The following KCND2 variants were observed in gnomAD, a reference collection of about 807,000 sequenced individuals.
KCND2 encodes the protein A-type voltage-gated potassium channel KCND2.
KCND2 carries 16 observed loss-of-function variants against 54.4 expected under a neutral mutation model. That is an observed-to-expected ratio of 0.29 (90% CI 0.20 to 0.45). The LOEUF is 0.45. Among genes scored for constraint, KCND2 ranks in the 20% least tolerant of loss-of-function variants. The pLI, the probability that KCND2 is intolerant of heterozygous loss-of-function variation, is 1.00. For missense variants in KCND2, 486 were observed against 824.2 expected, an observed-to-expected ratio of 0.59 and a Z score of 5.02; for synonymous variants, 317 against 310.7, an observed-to-expected ratio of 1.02 and a Z score of -0.21.
intron 1 of KCND2, among the ~76,000 whole-genome samples, chr7:120,488,386 G>C (rs933587240): frequency 5.9e-5 from 9 of 152,090 alleles, no homozygotes; most frequent in African/African-American, 2.2e-4. Flanking sequence ...ATGTGCTATA[G>C]ATTTGTTTTG....
At chr7:120,554,818 A>C (rs907144500) in intron 1 of KCND2, among the ~76,000 whole-genome samples, 2 of 152,202 alleles carry the variant, frequency 1.3e-5, no homozygotes, top group African/African-American at 4.8e-5. Context: ...CTATGGACTT[A>C]GCCATAGAAT....
At chr7:120,540,027 T>G (rs541012448) in intron 1 of KCND2, among the ~76,000 whole-genome samples, 25 of 151,934 alleles carry the variant, frequency 1.6e-4, no homozygotes, top group African/African-American at 5.6e-4. Context: ...TTGAAGAAAA[T>G]TTTCTTCAAC....
At chr7:120,409,592 A>T (rs909509727) in intron 1 of KCND2, among the ~76,000 whole-genome samples, 5 of 151,916 alleles carry the variant, frequency 3.3e-5, no homozygotes, top group Non-Finnish European at 7.4e-5. Context: ...AGTCTAAAGG[A>T]CGTGTAGTGA....
intron 1 of KCND2, among the ~76,000 whole-genome samples, chr7:120,716,793 A>C (rs559907793): frequency 6.6e-6 from 1 of 152,184 alleles, no homozygotes; most frequent in South Asian, 2.1e-4. Flanking sequence ...TCCCAAAGAG[A>C]TGCCTGTATG....
intron 1 of KCND2, among the ~76,000 whole-genome samples, chr7:120,296,376 T>G (rs1252061942): frequency 1.3e-5 from 2 of 152,128 alleles, no homozygotes; most frequent in African/African-American, 4.8e-5. Flanking sequence ...GTTTAATTCC[T>G]AGGACCATGG....
Position 120,747,787 on chromosome 7 carries a change from C to A in KCND2, c.1822C>A (p.Pro608Thr). The change falls in exon 6 of 6, where the codon CCA becomes ACA. Residue 608 changes from proline (P) to threonine (T), a missense_variant. Pro to Thr is a conservative substitution (Grantham distance 38). Transcript: ENST00000331113. ...CATCCCAACACCTCCAGTAACCACA[C>A]CAGAAGGAGACGATAGGCCAGAATC... ...ISIPTPPVTT[P>T]EGDDRPESPE... 6.2e-7 allele frequency: 1 copy of A among 1,612,464 alleles called. No individual in the cohort carries two copies. The highest frequency in any genetic ancestry group is 8.5e-7 in the Non-Finnish European group (1 of 1,178,908).
chr7:120,434,207 A>G (rs1165367338), intron 1 of KCND2, among the ~76,000 whole-genome samples: 1 of 152,200 alleles, frequency 6.6e-6, no homozygotes, highest in Non-Finnish European at 1.5e-5. Context: ...CAACGTATAT[A>G]CTAAGCGTGG....
chr7:120,381,497 T>C (rs1230625274), intron 1 of KCND2, among the ~76,000 whole-genome samples: 1 of 152,132 alleles, frequency 6.6e-6, no homozygotes, highest in Non-Finnish European at 1.5e-5. Flanking sequence ...CTGGCTACAT[T>C]CTGCCAAATG....
At chr7:120,463,273 T>C (rs1194522289) in intron 1 of KCND2, among the ~76,000 whole-genome samples, 1 of 152,002 alleles carries the variant, frequency 6.6e-6, no homozygotes, top group Non-Finnish European at 1.5e-5. Flanking sequence ...TGGAAGAATG[T>C]AATAATTAAA....
At chr7:120,411,600 A>G (rs775635428) in intron 1 of KCND2, among the ~76,000 whole-genome samples, 2 of 152,016 alleles carry the variant, frequency 1.3e-5, no homozygotes, top group African/African-American at 2.4e-5. Context: ...AAGGAAATAC[A>G]TAATTTAAAA....
chr7:120,640,194 A>C (rs1793354135), intron 1 of KCND2, among the ~76,000 whole-genome samples: 1 of 152,128 alleles, frequency 6.6e-6, no homozygotes, highest in Non-Finnish European at 1.5e-5. Context: ...TTTTTAGATG[A>C]TATATATAAA....
rs181733519 is a variant in KCND2 at position 120,669,488 on chromosome 7, A to G, written c.1116-63415A>G. ...TTTTTTGACTTGGTGCCCTGGATATATATAAATATAGCTATTTAACTACAT... is the reference window on the plus strand; with the variant it reads ...TTTTTTGACTTGGTGCCCTGGATATGTATAAATATAGCTATTTAACTACAT... On this transcript the variant is annotated intron_variant, in intron 1 of 5. Transcript: ENST00000331113. Among the ~76,000 whole-genome samples the G allele has an allele frequency of 1.1e-3, 168 of 152,222 alleles. 1 individual carries two copies. The highest frequency in any genetic ancestry group is 3.3e-3 in the African/African-American group (137 of 41,562).
chr7:120,613,490 C>CA (rs1387804269), intron 1 of KCND2, among the ~76,000 whole-genome samples: 2 of 152,178 alleles, frequency 1.3e-5, no homozygotes, highest in African/African-American at 4.8e-5. Context: ...GAGATTGCGC[C>CA]ACTGCTCTCC....
intron 1 of KCND2, among the ~76,000 whole-genome samples, chr7:120,511,901 G>C (rs1015453711): frequency 2.0e-5 from 3 of 152,136 alleles, no homozygotes; most frequent in Admixed American, 2.0e-4. Context: ...TATCAAAATA[G>C]CACCAACTCC....
At chr7:120,609,898 G>A (rs1017260779) in intron 1 of KCND2, among the ~76,000 whole-genome samples, 3 of 152,102 alleles carry the variant, frequency 2.0e-5, no homozygotes, top group Non-Finnish European at 2.9e-5. Flanking sequence ...CATAAGTGAA[G>A]AACAGTATTA....
intron 1 of KCND2, among the ~76,000 whole-genome samples, chr7:120,605,181 C>A (rs1792866356): frequency 6.6e-6 from 1 of 152,160 alleles, no homozygotes; most frequent in Non-Finnish European, 1.5e-5. Context: ...AACATCTTCA[C>A]CACCCTAAAA....
chr7:120,393,956 A>G (rs143185971), intron 1 of KCND2, among the ~76,000 whole-genome samples: 1 of 152,036 alleles, frequency 6.6e-6, no homozygotes, highest in African/African-American at 2.4e-5. Context: ...GTGATAAATT[A>G]TATCAGGCAG....
chr7:120,550,291 A>G (rs1237133352), intron 1 of KCND2, among the ~76,000 whole-genome samples: 1 of 152,062 alleles, frequency 6.6e-6, no homozygotes, highest in Non-Finnish European at 1.5e-5. Context: ...GAATAGAATT[A>G]TTATTTCTAT....
intron 1 of KCND2, among the ~76,000 whole-genome samples, chr7:120,682,200 T>A (rs2116590814): frequency 6.6e-6 from 1 of 152,186 alleles, no homozygotes; most frequent in Admixed American, 6.6e-5. Context: ...TCACAAGATT[T>A]TTATGTTTTC....
Sources: allele counts gnomAD v4.1 joint callset (sites outside exome capture counted in the v4.1 genomes callset), GRCh38; gene constraint gnomAD v4.1.1; transcripts MANE v1.5; gene names NCBI Gene and HGNC (gene_info 2026-07-23, HGNC 2026-07-21).